Variants in DCLK2 observed in about 807,000 individuals in gnomAD.
The protein encoded by DCLK2 is serine/threonine-protein kinase DCLK2.
Under a neutral mutation model 78.4 loss-of-function variants are expected in DCLK2, and 31 were observed. The ratio of observed to expected loss-of-function variants is 0.40; its 90% CI spans 0.30 to 0.53. The LOEUF is 0.53. Among genes scored for constraint, DCLK2 ranks in the 20% least tolerant of loss-of-function variants. The pLI is 0.61. For synonymous variants in DCLK2, 407 were observed against 374.9 expected (o/e 1.09, Z -0.99); for missense variants, 872 against 973.7 (o/e 0.90, Z 1.39).
At chr4:150,198,914 C>CA in intron 4 of DCLK2, 2 of 573,156 alleles carry the variant, frequency 3.5e-6, no homozygotes, top group South Asian at 2.3e-5. Flanking sequence ...TTCAGCACCC[C>CA]CCCCCCCACT....
At chr4:150,091,874 T>G (rs778016535) in intron 1 of DCLK2, among the ~76,000 whole-genome samples, 10 of 151,920 alleles carry the variant, frequency 6.6e-5, no homozygotes, top group Non-Finnish European at 2.9e-5. Flanking sequence ...TATGGTAGTA[T>G]TAACTAATAG....
chr4:150,237,014 G>T (rs1376578163), intron 10 of DCLK2, among the ~76,000 whole-genome samples: 3 of 152,052 alleles, frequency 2.0e-5, no homozygotes, highest in African/African-American at 7.2e-5. Flanking sequence ...ATCACTAAAT[G>T]GAGTCTTTAA....
intron 10 of DCLK2, among the ~76,000 whole-genome samples, chr4:150,233,134 A>C (rs1205945325): frequency 2.0e-5 from 3 of 152,228 alleles, no homozygotes; most frequent in Admixed American, 1.3e-4. Context: ...GGAAGGCCTC[A>C]GGAGACTTAC....
Position 150,203,838 on chromosome 4 carries a change from G to A in DCLK2, c.1005G>A (p.Thr335=), listed in dbSNP as rs776454680. 28 of 1,613,904 alleles carry A rather than the reference G, an allele frequency of 1.7e-5. No individual in the cohort carries two copies. The highest frequency in any genetic ancestry group is 2.2e-5 in the South Asian group (2 of 91,062). The change falls in exon 5 of 16, where the codon ACG becomes ACA. Residue 335 remains threonine, a synonymous_variant. Coordinates refer to ENST00000296550, the MANE Select transcript of DCLK2 (RefSeq NM_001040260.4). ...GCCAACTTTCTACTCCTAAATCTACGAAATCCTCCAGTTCCTCTCCAACTA... is the reference window on the plus strand; with the variant it reads ...GCCAACTTTCTACTCCTAAATCTACAAAATCCTCCAGTTCCTCTCCAACTA... The part of the protein sequence containing the change: ...PSSQLSTPKS[T]KSSSSSPTSP...
At chr4:150,218,699 G>C (rs529124253) in intron 5 of DCLK2, among the ~76,000 whole-genome samples, 1 of 152,196 alleles carries the variant, frequency 6.6e-6, no homozygotes, top group Non-Finnish European at 1.5e-5. Context: ...CCAGCTGCCT[G>C]TGGCCTGACC....
At chr4:150,249,942 G>A (rs1339202044) in intron 15 of DCLK2, among the ~76,000 whole-genome samples, 11 of 152,116 alleles carry the variant, frequency 7.2e-5, no homozygotes, top group African/African-American at 2.7e-4. Context: ...GGCCCTCTGG[G>A]CAGCTGCTTC....
At chr4:150,168,149 C>T (rs1373175579) in intron 2 of DCLK2, among the ~76,000 whole-genome samples, 1 of 152,170 alleles carries the variant, frequency 6.6e-6, no homozygotes, top group Non-Finnish European at 1.5e-5. Context: ...CGAGACCATC[C>T]TGGCTAACAC....
chr4:150,142,485 T>C (rs1309992910), intron 2 of DCLK2, among the ~76,000 whole-genome samples: 1 of 152,236 alleles, frequency 6.6e-6, no homozygotes, highest in Admixed American at 6.5e-5. Context: ...TTTTGCTTCC[T>C]TTATTATTTA....
chr4:150,190,167 C>T (rs1244747725), intron 2 of DCLK2, among the ~76,000 whole-genome samples: 1 of 151,512 alleles, frequency 6.6e-6, no homozygotes, highest in Admixed American at 6.6e-5. Flanking sequence ...CATGCTACTG[C>T]ACCCTAGCCT....
At chr4:150,240,838 G>A (rs979760005) in intron 12 of DCLK2, among the ~76,000 whole-genome samples, 5 of 150,962 alleles carry the variant, frequency 3.3e-5, no homozygotes, top group Non-Finnish European at 5.9e-5. Flanking sequence ...GCCTATTAAT[G>A]TATATTCTCA....
At chr4:150,147,473 AT>A (rs5862908) in intron 2 of DCLK2, among the ~76,000 whole-genome samples, 25,940 of 152,218 alleles carry the variant, frequency 0.17, 2,553 homozygotes, top group Non-Finnish European at 0.23. Context: ...CATTATTTTG[AT>A]ATAAACAGGT....
chr4:150,206,042 A>G (rs1739820623), intron 5 of DCLK2, among the ~76,000 whole-genome samples: 1 of 152,152 alleles, frequency 6.6e-6, no homozygotes, highest in Non-Finnish European at 1.5e-5. Context: ...CTTCACCTCT[A>G]AACCCAATAT....
chr4:150,248,193 A>G, intron 13 of DCLK2, 112 bp from the exon 14 acceptor site: 1 of 823,536 alleles, frequency 1.2e-6, no homozygotes, highest in South Asian at 1.6e-5. Context: ...ATCAGTTAGC[A>G]GCTGTGCTGG....
chr4:150,219,656 A>G (rs547528119), intron 5 of DCLK2, among the ~76,000 whole-genome samples: 5 of 152,352 alleles, frequency 3.3e-5, no homozygotes, highest in African/African-American at 1.2e-4. Flanking sequence ...TGTCAGAGAC[A>G]AAGTGATTTT....
At chr4:150,192,685 C>A (rs905616187) in intron 2 of DCLK2, among the ~76,000 whole-genome samples, 2 of 151,980 alleles carry the variant, frequency 1.3e-5, no homozygotes, top group African/African-American at 4.8e-5. Context: ...TATATTAATC[C>A]TCGAAACAAC....
intron 2 of DCLK2, among the ~76,000 whole-genome samples, chr4:150,149,459 A>G (rs4240358): frequency 0.79 from 119,805 of 152,032 alleles, 47,378 homozygotes; most frequent in South Asian, 0.91. Context: ...AGTCCTGGGC[A>G]TCCAGTGTCC....
chr4:150,207,104 G>A (rs1739898416), intron 5 of DCLK2, among the ~76,000 whole-genome samples: 1 of 152,138 alleles, frequency 6.6e-6, no homozygotes, highest in African/African-American at 2.4e-5. Flanking sequence ...TTTTTCGTGG[G>A]CAGGAACTCT....
At chr4:150,098,316 A>G (rs766803116) in intron 1 of DCLK2, among the ~76,000 whole-genome samples, 2 of 152,182 alleles carry the variant, frequency 1.3e-5, no homozygotes, top group African/African-American at 2.4e-5. Flanking sequence ...TCACTTTATC[A>G]TAAAGTCTTA....
rs749402625 is a variant in DCLK2, at chr4:150,256,019, G to A, written c.2074-1G>A. The A allele has an allele frequency of 6.2e-7, 1 of 1,612,526 alleles. No homozygotes were observed. ...TGTTGTCTCTGCTGTTTCCTCCTCA[G>A]AACACGGCTCTAGATAAGGAGGGGC... On this transcript the variant is annotated splice_acceptor_variant, in intron 15 of 15. Transcript: ENST00000296550. LOFTEE classifies it high-confidence loss of function.
Sources: gnomAD v4.1 joint callset for allele counts (sites outside exome capture counted in the v4.1 genomes callset) on GRCh38, gnomAD v4.1.1 for gene constraint, MANE v1.5 for transcripts, NCBI Gene and HGNC (gene_info 2026-07-23, HGNC 2026-07-21) for gene names.